The following COL21A1 variants were observed in gnomAD, a reference collection of about 807,000 sequenced individuals.
COL21A1 encodes the protein collagen alpha-1(XXI) chain.
Under a neutral mutation model 137.9 loss-of-function variants are expected in COL21A1, and 149 were observed. The observed-to-expected ratio is 1.08, with a 90% CI of 0.95 to 1.24. The LOEUF is 1.24. Among genes scored for constraint, COL21A1 ranks in the 50% most tolerant of loss-of-function variants. The pLI is 0.00. For synonymous variants in COL21A1, 456 were observed against 391.5 expected, an observed-to-expected ratio of 1.16 and a Z score of -1.95; for missense variants, 1,167 against 1,158.4, an observed-to-expected ratio of 1.01 and a Z score of -0.11.
At chr6:56,236,872 C>A (rs1182384217) in intron 1 of COL21A1, among the ~76,000 whole-genome samples, 1 of 151,934 alleles carries the variant, frequency 6.6e-6, no homozygotes, top group African/African-American at 2.4e-5. Context: ...ACAATACCTC[C>A]TTGCTGCGAA....
At chr6:56,176,564 T>G (rs1278193706) in intron 3 of COL21A1, among the ~76,000 whole-genome samples, 2 of 141,686 alleles carry the variant, frequency 1.4e-5, no homozygotes, top group East Asian at 2.2e-4. Flanking sequence ...TACAATGAAA[T>G]GTTACCTCAT....
intron 1 of COL21A1, among the ~76,000 whole-genome samples, chr6:56,355,875 A>G (rs534727065): frequency 1.3e-5 from 2 of 152,136 alleles, no homozygotes; most frequent in Admixed American, 6.5e-5. Flanking sequence ...GTATGTTGCA[A>G]TTTAAAAGAA....
At chr6:56,098,316 T>G (rs1769828363) in intron 17 of COL21A1, among the ~76,000 whole-genome samples, 1 of 68,702 alleles carries the variant, frequency 1.5e-5, no homozygotes, top group Non-Finnish European at 2.4e-5. Flanking sequence ...AATATATAAA[T>G]ATATATAAAT....
At chr6:56,171,804 T>G (rs1458421049) in intron 3 of COL21A1, among the ~76,000 whole-genome samples, 1 of 151,806 alleles carries the variant, frequency 6.6e-6, no homozygotes, top group Non-Finnish European at 1.5e-5. Flanking sequence ...TTAAGAATAA[T>G]CATTAGCATT....
At chr6:56,247,894 G>A (rs1205720701), upstream of COL21A1, 4 of 152,306 alleles carry the variant, frequency 2.6e-5, no homozygotes, top group Non-Finnish European at 5.9e-5. Flanking sequence ...CAACACCAGA[G>A]CATCGCCTGC....
At chr6:56,231,950 A>G (rs1781590550) in intron 1 of COL21A1, among the ~76,000 whole-genome samples, 1 of 151,864 alleles carries the variant, frequency 6.6e-6, no homozygotes, top group Non-Finnish European at 1.5e-5. Context: ...TTCTTGCAGT[A>G]TATGGTTTAG....
intron 1 of COL21A1, among the ~76,000 whole-genome samples, chr6:56,355,084 TTAAC>T (rs1326622264): frequency 6.6e-6 from 1 of 151,904 alleles, no homozygotes; most frequent in African/African-American, 2.4e-5. Context: ...TACTGGCTAA[TTAAC>T]TAAGAAGGAA....
chr6:56,228,263 GA>G (rs1268485109), intron 1 of COL21A1, among the ~76,000 whole-genome samples: 1 of 152,016 alleles, frequency 6.6e-6, no homozygotes, highest in East Asian at 2.0e-4. Flanking sequence ...TGGTGTACAG[GA>G]AGATGGAAAG....
At chr6:56,282,860 CT>C in intron 1 of COL21A1, among the ~76,000 whole-genome samples, 1 of 152,230 alleles carries the variant, frequency 6.6e-6, no homozygotes, top group African/African-American at 2.4e-5. Context: ...ACATTCAAAC[CT>C]ATTGTATGGC....
At chr6:56,367,888 ATT>A in intron 1 of COL21A1, among the ~76,000 whole-genome samples, 1 of 152,152 alleles carries the variant, frequency 6.6e-6, no homozygotes, top group East Asian at 1.9e-4. Flanking sequence ...CTATTTTTTA[ATT>A]TTTTGTAGAG....
At chr6:56,315,920 T>A (rs1212576715) in intron 1 of COL21A1, among the ~76,000 whole-genome samples, 1 of 152,208 alleles carries the variant, frequency 6.6e-6, no homozygotes, top group Non-Finnish European at 1.5e-5. Flanking sequence ...TTAGCTTGAC[T>A]GTAGTAATCA....
At chr6:56,189,755 G>A (rs1436301329) in intron 1 of COL21A1, among the ~76,000 whole-genome samples, 2 of 152,168 alleles carry the variant, frequency 1.3e-5, no homozygotes, top group Non-Finnish European at 2.9e-5. Context: ...AGCCCATCAG[G>A]CTAACAGTGG....
intron 1 of COL21A1, among the ~76,000 whole-genome samples, chr6:56,267,787 A>G (rs1582744416): frequency 7.3e-6 from 1 of 136,218 alleles, no homozygotes; most frequent in African/African-American, 2.6e-5. Context: ...AAGAAGAAGA[A>G]GAAGAGAGCC....
intron 10 of COL21A1, among the ~76,000 whole-genome samples, chr6:56,154,663 C>T (rs982396296): frequency 6.6e-6 from 1 of 152,100 alleles, no homozygotes; most frequent in Non-Finnish European, 1.5e-5. Flanking sequence ...ACTCTTGCCC[C>T]CATATAATCT....
chr6:56,358,349 A>C (rs1245078804), intron 1 of COL21A1, among the ~76,000 whole-genome samples: 2 of 152,058 alleles, frequency 1.3e-5, no homozygotes, highest in Non-Finnish European at 2.9e-5. Flanking sequence ...TAAAAAAAAA[A>C]CCCCAAACCA....
At position 56,154,619 on chromosome 6, in the gene COL21A1, A is replaced by C. The variant is rs576728956; in HGVS notation, c.1434+2268T>G. ...CAAACTACTCTTACCACTCACAATCATGAAACAACCTCCTGCATAGTCTCC... is the reference window on the plus strand; with the variant it reads ...CAAACTACTCTTACCACTCACAATCCTGAAACAACCTCCTGCATAGTCTCC... On this transcript the variant is annotated intron_variant, in intron 10 of 29. Transcript: ENST00000244728. Among the ~76,000 whole-genome samples the C allele has an allele frequency of 3.3e-5, 5 of 152,262 alleles. No individual in the cohort carries two copies. In the East Asian group the frequency reaches 7.7e-4, roughly 23 times the overall value.
intron 24 of COL21A1, 126 bp from the exon 25 acceptor site, chr6:56,061,807 TGACAGAATTACA>T (rs1259542615): frequency 1.7e-6 from 1 of 589,142 alleles, no homozygotes; most frequent in African/African-American, 1.9e-5. Flanking sequence ...ATAGCATTAG[TGACAGAATTACA>T]GACCCTTTTT....
intron 12 of COL21A1, among the ~76,000 whole-genome samples, chr6:56,131,379 G>A (rs951805090): frequency 4.0e-5 from 6 of 150,814 alleles, no homozygotes; most frequent in African/African-American, 1.2e-4. Context: ...CAAAATAATT[G>A]GCCAGGTTGC....
intron 1 of COL21A1, among the ~76,000 whole-genome samples, chr6:56,187,419 C>T (rs1445655362): frequency 6.6e-6 from 1 of 152,124 alleles, no homozygotes; most frequent in Non-Finnish European, 1.5e-5. Flanking sequence ...AGGGGGCAAA[C>T]ATCCAAACCA....
Sources: allele counts gnomAD v4.1 joint callset (sites outside exome capture counted in the v4.1 genomes callset), GRCh38; gene constraint gnomAD v4.1.1; transcripts MANE v1.5; gene names NCBI Gene and HGNC (gene_info 2026-07-23, HGNC 2026-07-21).